GLIPR1: variants seen among roughly 807,000 people sequenced by gnomAD.
GLIPR1 encodes GLI pathogenesis related 1, also known as glioma pathogenesis-related protein 1.
In GLIPR1, 38 loss-of-function variants were observed where a neutral mutation model predicts 30.3. That is an observed-to-expected ratio of 1.26 (90% CI 0.97 to 1.65). The LOEUF is 1.65. GLIPR1 is among the 40% of genes most tolerant of loss of function. GLIPR1 has a pLI of 0.00. For synonymous variants in GLIPR1, 122 were observed against 110.6 expected (o/e 1.10, Z -0.65); for missense variants, 285 against 326.5 (o/e 0.87, Z 0.98).
rs1034783974 is a variant in GLIPR1 at position 75,495,742 on chromosome 12, G to A, written c.619+80G>A. ...TCTACAGAATTAACAATGAAACCATGTTTTATCTTAACGGCTATCTTCAAG... is the reference window on the plus strand; with the variant it reads ...TCTACAGAATTAACAATGAAACCATATTTTATCTTAACGGCTATCTTCAAG... On this transcript the variant is annotated intron_variant, in intron 4 of 5. Transcript: ENST00000266659. 10 of 842,846 alleles carry A rather than the reference G, an allele frequency of 1.2e-5. No homozygotes were observed. The East Asian group carries it at 2.4e-4, about 20-fold the overall frequency. 52.2% of individuals were successfully genotyped at this position (842,846 alleles called of 1,614,324 possible).
At chr12:75,482,215 G>T (rs2292009) in intron 2 of GLIPR1, 136 bp downstream of exon 2, 279,069 of 764,146 alleles carry the variant, frequency 0.37, 52,989 homozygotes, top group East Asian at 0.46. Flanking sequence ...CAGCCTCCAA[G>T]AACAGAAAAT....
Position 75,490,481 on chromosome 12 carries a change from T to C in GLIPR1, c.496T>C (p.Ser166Pro). The C allele has an allele frequency of 6.6e-7, 1 of 1,515,648 alleles. No homozygotes were observed. The highest frequency in any genetic ancestry group is 1.1e-5 in the South Asian group (1 of 89,418). 93.9% of individuals were successfully genotyped at this position (1,515,648 alleles called of 1,614,324 possible). Reference protein sequence around the residue: ...CPKVSGFDALSNGAHFICNYG... With the variant: ...CPKVSGFDALPNGAHFICNYG... ...TAAAGTTTCTGGCTTTGACGCTCTT[T>C]CCAATGGAGCACATTTTATATGCAA... The change falls in exon 3 of 6, where the codon TCC becomes CCC. Residue 166 changes from serine to proline, a missense_variant. Coordinates refer to ENST00000266659, the MANE Select transcript of GLIPR1 (RefSeq NM_006851.3).
intron 2 of GLIPR1, among the ~76,000 whole-genome samples, chr12:75,489,608 A>C (rs1185405328): frequency 6.6e-6 from 1 of 151,930 alleles, no homozygotes; most frequent in Non-Finnish European, 1.5e-5. Context: ...TCAGGCCCCA[A>C]ACCAAAACTT....
At chr12:75,495,780 A>G (rs1594061636) in intron 4 of GLIPR1, 118 bp downstream of exon 4, 1 of 611,724 alleles carries the variant, frequency 1.6e-6, no homozygotes, top group East Asian at 2.8e-5. Flanking sequence ...AACTGGCATC[A>G]AGTAGCAATT....
chr12:75,485,600 G>A (rs900550963), intron 2 of GLIPR1, among the ~76,000 whole-genome samples: 7 of 146,770 alleles, frequency 4.8e-5, no homozygotes, highest in African/African-American at 7.4e-5. Flanking sequence ...GCCCAGGCTG[G>A]AGTGCAGTGG....
intron 2 of GLIPR1, chr12:75,484,558 G>C (rs1287268724): frequency 6.6e-6 from 1 of 152,224 alleles, no homozygotes; most frequent in Admixed American, 6.5e-5. Context: ...GAGCAATAAA[G>C]CTTTTTATCA....
intron 2 of GLIPR1, among the ~76,000 whole-genome samples, chr12:75,489,501 A>C (rs1205113609): frequency 6.6e-6 from 1 of 152,170 alleles, no homozygotes; most frequent in Non-Finnish European, 1.5e-5. Context: ...GATATCTAAT[A>C]GGCCTCTCAA....
At chr12:75,496,286 T>A (rs998733916) in intron 4 of GLIPR1, 4 of 151,576 alleles carry the variant, frequency 2.6e-5, no homozygotes, top group Non-Finnish European at 4.4e-5. Context: ...GCCCAGGAGG[T>A]GGAGGTTGCA....
intron 4 of GLIPR1, chr12:75,496,013 T>C (rs564636869): frequency 1.1e-3 from 187 of 167,438 alleles, no homozygotes; most frequent in Non-Finnish European, 1.5e-3. Flanking sequence ...TTTTTTGTTT[T>C]TTTTTTTTGA....
At chr12:75,489,990 T>C (rs2046312121) in intron 2 of GLIPR1, among the ~76,000 whole-genome samples, 2 of 152,110 alleles carry the variant, frequency 1.3e-5, no homozygotes, top group Non-Finnish European at 2.9e-5. Context: ...CCTTTCTCCC[T>C]GGTGTTCCCT....
intron 2 of GLIPR1, chr12:75,484,750 G>A (rs1382937809): frequency 6.6e-6 from 1 of 152,562 alleles, no homozygotes; most frequent in Non-Finnish European, 1.5e-5. Flanking sequence ...CCAGGAGAAG[G>A]AATTTCACAA....
chr12:75,502,046 A>C lies in GLIPR1; in HGVS notation c.*3068A>C. The C allele has an allele frequency of 6.8e-7, 1 of 1,478,360 alleles. No homozygotes were observed. Among genetic ancestry groups the C allele is most frequent in the Non-Finnish European group, 9.4e-7 (1 of 1,059,664 alleles). The allele number at this position is 1,478,360 out of a possible 1,614,324, so 91.6% of individuals were successfully genotyped here. A position where few individuals can be genotyped will look rare whatever the true frequency, so the allele number is the denominator to read the frequency against. ...AATTACATCAGAAATAATGTAGAGG[A>C]GAAGTCATGTCCTAAGCAAGTCACA... On this transcript the variant is annotated 3_prime_UTR_variant, in exon 6 of 6. Coordinates refer to ENST00000266659, the MANE Select transcript of GLIPR1 (RefSeq NM_006851.3).
Position 75,499,734 on chromosome 12 carries a change from A to G in GLIPR1, c.*756A>G, listed in dbSNP as rs2046377815. 8.3e-7 allele frequency: 1 copy of G among 1,201,970 alleles called. No homozygotes were observed. The highest frequency in any genetic ancestry group is 1.6e-5 in the African/African-American group (1 of 63,292). 74.5% of individuals were successfully genotyped at this position (1,201,970 alleles called of 1,614,324 possible). ...AAAGCCCTCAGAAAATTTCTCACAA[A>G]TAAGGCAACTAATGCCTGATATCTC... On this transcript the variant is annotated 3_prime_UTR_variant, in exon 6 of 6. Coordinates refer to ENST00000266659, the MANE Select transcript of GLIPR1 (RefSeq NM_006851.3).
At chr12:75,487,362 A>G (rs1033684617) in intron 2 of GLIPR1, among the ~76,000 whole-genome samples, 1 of 152,216 alleles carries the variant, frequency 6.6e-6, no homozygotes, top group Admixed American at 6.5e-5. Context: ...TTAAAAATAA[A>G]ACAAAACTGA....
Position 75,500,564 on chromosome 12 carries a change from A to T in GLIPR1, c.*1586A>T, listed in dbSNP as rs2046386198. The T allele has an allele frequency of 1.3e-5, 2 of 152,074 alleles. No individual in the cohort carries two copies. Among genetic ancestry groups the T allele is most frequent in the Non-Finnish European group, 2.9e-5 (2 of 67,984 alleles). The allele number at this position is 152,074 out of a possible 1,614,324, so 9.4% of individuals were successfully genotyped here. ...AATGACTAATTAATAGTATTTTAAC[A>T]AGATTTTGGTATATTTAACAACATT... On this transcript the variant is annotated 3_prime_UTR_variant, in exon 6 of 6. Transcript: ENST00000266659.
intron 2 of GLIPR1, among the ~76,000 whole-genome samples, chr12:75,488,186 C>T (rs576223599): frequency 2.0e-5 from 3 of 152,282 alleles, no homozygotes; most frequent in Non-Finnish European, 2.9e-5. Flanking sequence ...AATGCCTAAC[C>T]GTCTGGGAAT....
rs185652056 is a variant in GLIPR1, at chr12:75,485,201, A to C, written c.420+3122A>C. Among the ~76,000 whole-genome samples the C allele has an allele frequency of 4.0e-3, 612 of 152,332 alleles. 3 individuals carry two copies. Among genetic ancestry groups the C allele is most frequent in the Admixed American group, 0.01 (154 of 15,304 alleles). On this transcript the variant is annotated intron_variant, in intron 2 of 5. Coordinates refer to ENST00000266659, the MANE Select transcript of GLIPR1 (RefSeq NM_006851.3). ...TGGCTGATGATGGGAGGTTGTACAGAATAAAGAAAATAGATTCAGGCCCAT... is the reference window on the plus strand; with the variant it reads ...TGGCTGATGATGGGAGGTTGTACAGCATAAAGAAAATAGATTCAGGCCCAT...
Position 75,500,174 on chromosome 12 carries a change from A to T in GLIPR1, c.*1196A>T, listed in dbSNP as rs1442111937. The T allele has an allele frequency of 3.0e-6, 1 of 330,154 alleles. No homozygotes were observed. The highest frequency in any genetic ancestry group is 5.4e-6 in the Non-Finnish European group (1 of 185,454). The allele number at this position is 330,154 out of a possible 1,614,324, so 20.5% of individuals were successfully genotyped here. ...TAAAACAAATCATAAAATACTTTAT[A>T]TATTAGTACAAGTATACATAAAAAT... On this transcript the variant is annotated 3_prime_UTR_variant, in exon 6 of 6. Coordinates refer to ENST00000266659, the MANE Select transcript of GLIPR1 (RefSeq NM_006851.3).
rs2120484739 is a variant in GLIPR1, at chr12:75,480,818, A to G, written c.-63A>G. ...CTGTGGGCTGAGCACTCAGGCAATC[A>G]CACTCTCAGAAACTGCGGCGGCTCT... On this transcript the variant is annotated 5_prime_UTR_variant, in exon 1 of 6. Coordinates refer to ENST00000266659, the MANE Select transcript of GLIPR1 (RefSeq NM_006851.3). 1 of 1,330,244 alleles carries G rather than the reference A, an allele frequency of 7.5e-7. No homozygotes were observed. Among genetic ancestry groups the G allele is most frequent in the Admixed American group, 2.1e-5 (1 of 48,616 alleles). The allele number at this position is 1,330,244 out of a possible 1,614,324, so 82.4% of individuals were successfully genotyped here. A position where few individuals can be genotyped will look rare whatever the true frequency, so the allele number is the denominator to read the frequency against.
Sources: gnomAD v4.1 joint callset for allele counts (sites outside exome capture counted in the v4.1 genomes callset) on GRCh38, gnomAD v4.1.1 for gene constraint, MANE v1.5 for transcripts, NCBI Gene and HGNC (gene_info 2026-07-23, HGNC 2026-07-21) for gene names.